PTPRD: variants seen among roughly 807,000 people sequenced by gnomAD.
PTPRD encodes receptor-type tyrosine-protein phosphatase delta.
Under a neutral mutation model 214.5 loss-of-function variants are expected in PTPRD, and 34 were observed. The observed-to-expected ratio is 0.16, with a 90% CI of 0.12 to 0.21. The LOEUF (loss-of-function observed/expected upper bound fraction) is 0.21. PTPRD is among the 10% of genes least tolerant of loss of function. The pLI is 1.00. For missense variants in PTPRD, 2,545 were observed against 2,398.7 expected (o/e 1.06, Z -1.27); for synonymous variants, 1,128 against 845.7 (o/e 1.33, Z -5.79).
At chr9:9,408,019 AC>A (rs2074121113) in intron 8 of PTPRD, among the ~76,000 whole-genome samples, 1 of 151,826 alleles carries the variant, frequency 6.6e-6, no homozygotes, top group Non-Finnish European at 1.5e-5. Flanking sequence ...GGGGTAAGTT[AC>A]CCAGAAGTAC....
chr9:9,538,961 T>C (rs626307), intron 8 of PTPRD, among the ~76,000 whole-genome samples: 24,351 of 151,788 alleles, frequency 0.16, 2,118 homozygotes, highest in African/African-American at 0.23. Flanking sequence ...CCAGACACTT[T>C]TCTAGGCTCT....
intron 11 of PTPRD, among the ~76,000 whole-genome samples, chr9:8,886,606 A>G (rs2098490617): frequency 6.6e-6 from 1 of 152,226 alleles, no homozygotes; most frequent in East Asian, 1.9e-4. Flanking sequence ...TGCATGGTTT[A>G]AATAATTCAA....
chr9:10,018,901 A>G (rs1414882657), intron 4 of PTPRD, among the ~76,000 whole-genome samples: 2 of 152,206 alleles, frequency 1.3e-5, no homozygotes, highest in East Asian at 1.9e-4. Context: ...CTTTAAGGGT[A>G]TTTTTCTGCA....
chr9:8,993,762 T>C (rs2099386465), intron 11 of PTPRD, among the ~76,000 whole-genome samples: 1 of 152,128 alleles, frequency 6.6e-6, no homozygotes, highest in Non-Finnish European at 1.5e-5. Context: ...TCTCAGACTT[T>C]TCAGCAAAGA....
chr9:8,758,569 C>T (rs529252085), intron 11 of PTPRD, among the ~76,000 whole-genome samples: 1 of 152,090 alleles, frequency 6.6e-6, no homozygotes, highest in Non-Finnish European at 1.5e-5. Context: ...TGGGCTGTCA[C>T]ACAGAAGTAA....
chr9:9,480,507 A>G lies in PTPRD; in HGVS notation c.-236-83025T>C, dbSNP rs146567166. On this transcript the variant is annotated intron_variant, in intron 8 of 45. Transcript: ENST00000381196. ...ATAAAACTGAGCTAAAACAATACCA[A>G]GAAAATGGTGAAACATTTTAAAAAG... Among the ~76,000 whole-genome samples the G allele has an allele frequency of 1.2e-3, 184 of 152,288 alleles. 1 individual carries two copies. Among genetic ancestry groups the G allele is most frequent in the Non-Finnish European group, 1.2e-3 (85 of 68,016 alleles).
At chr9:8,962,538 A>AGAAAG (rs2099164207) in intron 11 of PTPRD, among the ~76,000 whole-genome samples, 1 of 149,708 alleles carries the variant, frequency 6.7e-6, no homozygotes, top group Non-Finnish European at 1.5e-5. Context: ...AGAAGAGAGA[A>AGAAAG]AGAGAGAGAG....
At chr9:9,648,724 T>G (rs1204674037) in intron 7 of PTPRD, among the ~76,000 whole-genome samples, 1 of 152,208 alleles carries the variant, frequency 6.6e-6, no homozygotes, top group Non-Finnish European at 1.5e-5. Flanking sequence ...TGCTTGAATT[T>G]ATTAGTGAGG....
Position 9,093,543 on chromosome 9 carries a change from C to A in PTPRD, c.-142-74808G>T, listed in dbSNP as rs183793555. ...GTAATAAACAATCTAGAAAATTCCC[C>A]AATATCTGGAAATTAAATAACACAG... On this transcript the variant is annotated intron_variant, in intron 10 of 45. Coordinates refer to ENST00000381196, the MANE Select transcript of PTPRD (RefSeq NM_002839.4). Among the ~76,000 whole-genome samples, 710 of 151,794 alleles carry A rather than the reference C, an allele frequency of 4.7e-3. 6 individuals are homozygous for A. Among genetic ancestry groups the A allele is most frequent in the African/African-American group, 0.016 (678 of 41,410 alleles).
intron 14 of PTPRD, among the ~76,000 whole-genome samples, chr9:8,577,759 G>A (rs917913852): frequency 6.6e-6 from 1 of 152,120 alleles, no homozygotes; most frequent in African/African-American, 2.4e-5. Flanking sequence ...CAGAGCAGCA[G>A]CCTCTGCATC....
At chr9:9,975,028 A>AT (rs1290226625) in intron 4 of PTPRD, among the ~76,000 whole-genome samples, 6 of 150,820 alleles carry the variant, frequency 4.0e-5, no homozygotes, top group South Asian at 2.1e-4. Context: ...AAAATTTGAG[A>AT]TTTTCTAAAC....
intron 12 of PTPRD, among the ~76,000 whole-genome samples, chr9:8,728,440 C>A (rs1163585300): frequency 6.6e-6 from 1 of 152,172 alleles, no homozygotes; most frequent in Admixed American, 6.5e-5. Flanking sequence ...TCAAATGATC[C>A]TCCTGCCTCA....
chr9:8,660,105 T>A (rs1371144055), intron 12 of PTPRD, among the ~76,000 whole-genome samples: 3 of 152,200 alleles, frequency 2.0e-5, no homozygotes, highest in Non-Finnish European at 4.4e-5. Flanking sequence ...TTTTCAGAAA[T>A]TATTTTCCCA....
intron 11 of PTPRD, among the ~76,000 whole-genome samples, chr9:8,792,344 G>C (rs187376788): frequency 6.6e-6 from 1 of 152,148 alleles, no homozygotes; most frequent in African/African-American, 2.4e-5. Context: ...CAGAACATAC[G>C]CATTAAAAAT....
At chr9:9,023,483 A>T (rs1287513386) in intron 10 of PTPRD, among the ~76,000 whole-genome samples, 1 of 152,072 alleles carries the variant, frequency 6.6e-6, no homozygotes, top group African/African-American at 2.4e-5. Flanking sequence ...CAATTATGAA[A>T]TATGATTTTT....
chr9:8,551,435 G>C (rs779558212), intron 14 of PTPRD, among the ~76,000 whole-genome samples: 7 of 152,086 alleles, frequency 4.6e-5, no homozygotes, highest in African/African-American at 7.2e-5. Context: ...TTATAGATAA[G>C]AGAGTATATG....
intron 11 of PTPRD, among the ~76,000 whole-genome samples, chr9:8,741,287 G>C (rs1487467538): frequency 6.6e-6 from 1 of 152,038 alleles, no homozygotes; most frequent in Non-Finnish European, 1.5e-5. Context: ...TGAAAAGAAG[G>C]ATAGCTTTAG....
chr9:8,681,022 A>G (rs984903006), intron 12 of PTPRD, among the ~76,000 whole-genome samples: 4 of 152,184 alleles, frequency 2.6e-5, no homozygotes, highest in African/African-American at 7.2e-5. Flanking sequence ...TGAAACAGTC[A>G]CTTTTTGGTA....
At chr9:8,658,910 A>G (rs2096970844) in intron 12 of PTPRD, among the ~76,000 whole-genome samples, 1 of 152,196 alleles carries the variant, frequency 6.6e-6, no homozygotes, top group Non-Finnish European at 1.5e-5. Flanking sequence ...ACAATTAACT[A>G]AAATGCTAAT....
Sources: allele counts gnomAD v4.1 joint callset (sites outside exome capture counted in the v4.1 genomes callset), GRCh38; gene constraint gnomAD v4.1.1; transcripts MANE v1.5; gene names NCBI Gene and HGNC (gene_info 2026-07-23, HGNC 2026-07-21).